Variants in ESR1 observed in about 807,000 individuals in gnomAD.
The protein encoded by ESR1 is estrogen receptor 1.
A neutral mutation model predicts 52.7 loss-of-function variants in ESR1; 12 were observed. That is an observed-to-expected ratio of 0.23 (90% CI 0.15 to 0.37). ESR1 has a LOEUF of 0.37. Ranked by LOEUF, ESR1 falls within the 10% of genes least tolerant of loss-of-function variation. The pLI, the probability that ESR1 is intolerant of heterozygous loss-of-function variation, is 1.00. For synonymous variants in ESR1, 305 were observed against 316.8 expected (o/e 0.96, Z 0.39); for missense variants, 584 against 779.7 (o/e 0.75, Z 2.99).
At chr6:152,078,358 C>T (rs2982896) in intron 6 of ESR1, among the ~76,000 whole-genome samples, 29,348 of 152,194 alleles carry the variant, frequency 0.19, 3,102 homozygotes, top group South Asian at 0.38. Flanking sequence ...TTGACCAAGA[C>T]GGCCTTTCTT....
At chr6:151,939,862 A>G (rs1478700631) in intron 3 of ESR1, among the ~76,000 whole-genome samples, 1 of 152,114 alleles carries the variant, frequency 6.6e-6, no homozygotes, top group Non-Finnish European at 1.5e-5. Context: ...AAATCTGTTT[A>G]ACTGAAGCAA....
chr6:152,122,239 G>A (rs1334166000), intron 6 of ESR1: 4 of 788,710 alleles, frequency 5.1e-6, no homozygotes, highest in Non-Finnish European at 8.1e-6. Flanking sequence ...CCTTCTTGTT[G>A]TCTGTTTGTT....
chr6:151,902,491 A>G (rs1269015442), intron 3 of ESR1, among the ~76,000 whole-genome samples: 1 of 152,230 alleles, frequency 6.6e-6, no homozygotes, highest in Non-Finnish European at 1.5e-5. Flanking sequence ...CAAAGACATG[A>G]ACTCTATTTT....
chr6:151,940,647 C>G (rs572013906), intron 3 of ESR1, among the ~76,000 whole-genome samples: 4 of 152,312 alleles, frequency 2.6e-5, no homozygotes, highest in South Asian at 4.1e-4. Flanking sequence ...ATGTGACATC[C>G]TTTCTTAGAG....
intron 4 of ESR1, among the ~76,000 whole-genome samples, chr6:151,985,535 A>C (rs2040399475): frequency 3.0e-5 from 3 of 99,406 alleles, no homozygotes; most frequent in Non-Finnish European, 5.9e-5. Context: ...AAAAAAAAAC[A>C]CAAACAAAAA....
Position 152,081,845 on chromosome 6 carries a change from T to C in ESR1, c.1370-12540T>C, listed in dbSNP as rs6941693. ...ACTACCATCAGAGAATACTATAAAC[T>C]CCTCTACGCAAATAAACTGGAAAAT... On this transcript the variant is annotated intron_variant, in intron 6 of 7. Coordinates refer to ENST00000206249, the MANE Select transcript of ESR1 (RefSeq NM_000125.4). 7.0e-3 allele frequency among the ~76,000 whole-genome samples: 1,069 copies of C among 152,028 alleles called. 10 individuals are homozygous for C. Among genetic ancestry groups the C allele is most frequent in the African/African-American group, 0.025 (1,035 of 41,474 alleles).
chr6:152,001,865 G>T (rs1044994920), intron 4 of ESR1, among the ~76,000 whole-genome samples: 37 of 151,958 alleles, frequency 2.4e-4, no homozygotes, highest in African/African-American at 8.7e-4. Context: ...AGACTGGAGG[G>T]AAGGGAGAAG....
At position 152,000,442 on chromosome 6, in the gene ESR1, G is replaced by A. The variant is rs370512203; in HGVS notation, c.1097-11214G>A. On this transcript the variant is annotated intron_variant, in intron 4 of 7. Coordinates refer to ENST00000206249, the MANE Select transcript of ESR1 (RefSeq NM_000125.4). ...TTGAGACACTTGGAACTCTAAGAAGGTAGTCAACAGATACTTTTCTCTTTA... is the reference window on the plus strand; with the variant it reads ...TTGAGACACTTGGAACTCTAAGAAGATAGTCAACAGATACTTTTCTCTTTA... Among the ~76,000 whole-genome samples, 24 of 152,080 alleles carry A rather than the reference G, an allele frequency of 1.6e-4. 1 individual carries two copies. The South Asian group carries it at 5.0e-3, about 31-fold the overall frequency.
At chr6:151,759,509 G>A (rs1345297916) in intron 2 of ESR1, among the ~76,000 whole-genome samples, 1 of 151,746 alleles carries the variant, frequency 6.6e-6, no homozygotes, top group African/African-American at 2.4e-5. Context: ...AAAACTTAAA[G>A]TATAATAATA....
rs573582132 is a variant in ESR1 at position 151,704,734 on chromosome 6, C to T, written c.-71+2729C>T. Among the ~76,000 whole-genome samples the T allele has an allele frequency of 7.2e-5, 11 of 152,156 alleles. No homozygotes were observed. In the East Asian group the frequency reaches 9.7e-4, roughly 13 times the overall value. On this transcript the variant is annotated intron_variant, in intron 2 of 2. Coordinates refer to the ESR1 transcript ENST00000404742. ...GGCACTTTATAGAAAACAGTTTATTCGGTCATTACAACAGCTCTAGGAGGG... is the reference window on the plus strand; with the variant it reads ...GGCACTTTATAGAAAACAGTTTATTTGGTCATTACAACAGCTCTAGGAGGG...
intron 2 of ESR1, among the ~76,000 whole-genome samples, chr6:151,875,505 A>G (rs749634289): frequency 6.6e-6 from 1 of 152,212 alleles, no homozygotes; most frequent in Non-Finnish European, 1.5e-5. Context: ...ATCAATAGCC[A>G]TAAATGAGAC....
At chr6:151,743,539 T>C (rs1783254473) in intron 2 of ESR1, among the ~76,000 whole-genome samples, 1 of 152,200 alleles carries the variant, frequency 6.6e-6, no homozygotes, top group Admixed American at 6.5e-5. Flanking sequence ...ACTCAGTAAT[T>C]AGTATCCTAA....
chr6:151,979,593 G>C (rs2039799661), intron 4 of ESR1, among the ~76,000 whole-genome samples: 1 of 152,104 alleles, frequency 6.6e-6, no homozygotes, highest in African/African-American at 2.4e-5. Flanking sequence ...AGAATGTACA[G>C]TAACTCAGGA....
At chr6:151,815,259 C>T (rs1010792451) in intron 1 of ESR1, among the ~76,000 whole-genome samples, 2 of 152,056 alleles carry the variant, frequency 1.3e-5, no homozygotes, top group South Asian at 2.1e-4. Flanking sequence ...TTCCAATTTG[C>T]GTATGAGATA....
intron 4 of ESR1, among the ~76,000 whole-genome samples, chr6:151,949,537 C>T (rs3020314): frequency 0.53 from 79,979 of 152,148 alleles, 23,484 homozygotes; most frequent in Middle Eastern, 0.71. Flanking sequence ...ATGACAGAAG[C>T]CTCTGTTTAA....
intron 2 of ESR1, among the ~76,000 whole-genome samples, chr6:151,859,522 T>C (rs1265128774): frequency 6.6e-6 from 1 of 152,092 alleles, no homozygotes; most frequent in African/African-American, 2.4e-5. Flanking sequence ...AACCAGACCT[T>C]AGTGATCACA....
intron 3 of ESR1, among the ~76,000 whole-genome samples, chr6:151,941,407 C>T (rs532599236): frequency 3.1e-4 from 47 of 152,226 alleles, no homozygotes; most frequent in Middle Eastern, 3.4e-3. Flanking sequence ...AGTCCTCACA[C>T]GAAGTAGGGA....
At chr6:151,831,797 A>G (rs1402476123) in intron 1 of ESR1, among the ~76,000 whole-genome samples, 1 of 152,248 alleles carries the variant, frequency 6.6e-6, no homozygotes, top group South Asian at 2.1e-4. Context: ...TGCCACAACC[A>G]TCAATTTAGT....
intron 1 of ESR1, among the ~76,000 whole-genome samples, chr6:151,690,866 G>T (rs1459441381): frequency 6.6e-6 from 1 of 152,198 alleles, no homozygotes; most frequent in Non-Finnish European, 1.5e-5. Flanking sequence ...ACTTGGTACA[G>T]TGGAAATTCA....
Sources: allele counts gnomAD v4.1 joint callset (sites outside exome capture counted in the v4.1 genomes callset), GRCh38; gene constraint gnomAD v4.1.1; transcripts MANE v1.5; gene names NCBI Gene and HGNC (gene_info 2026-07-23, HGNC 2026-07-21).